IFT122: variants seen among roughly 807,000 people sequenced by gnomAD.
The protein encoded by IFT122 is intraflagellar transport protein 122 homolog.
A neutral mutation model predicts 161.6 loss-of-function variants in IFT122; 118 were observed. That is an observed-to-expected ratio of 0.73 (90% CI 0.63 to 0.85). IFT122 has a LOEUF of 0.85. IFT122 is among the 40% of genes least tolerant of loss of function. The probability of loss-of-function intolerance (pLI) is 0.00; values close to 1 mark genes in which losing one functional copy is unlikely to be tolerated. For synonymous variants in IFT122, 550 were observed against 602.4 expected, an observed-to-expected ratio of 0.91 and a Z score of 1.27; for missense variants, 1,381 against 1,579.6, an observed-to-expected ratio of 0.87 and a Z score of 2.13.
At chr3:129,455,364 G>A (rs564041015) in intron 3 of IFT122, among the ~76,000 whole-genome samples, 1 of 151,834 alleles carries the variant, frequency 6.6e-6, no homozygotes, top group African/African-American at 2.4e-5. Context: ...GTAGAGACAG[G>A]GTTTCACCAT....
rs1296869698 is a variant in IFT122 at position 129,444,547 on chromosome 3, G to T, written c.41+4176G>T. Among the ~76,000 whole-genome samples, 3 of 151,172 alleles carry T rather than the reference G, an allele frequency of 2.0e-5. No homozygotes were observed. In the South Asian group the frequency reaches 6.2e-4, roughly 31 times the overall value. On this transcript the variant is annotated intron_variant, in intron 1 of 29. Coordinates refer to ENST00000348417, the MANE Select transcript of IFT122 (RefSeq NM_052989.3). ...TACACTCTTTTTTTTTTTTGAGACAGAGTCTCGCTCTGTTGCCAGGCTGGA... is the reference window on the plus strand; with the variant it reads ...TACACTCTTTTTTTTTTTTGAGACATAGTCTCGCTCTGTTGCCAGGCTGGA...
At chr3:129,504,972 C>T (rs1457929844) in intron 21 of IFT122, among the ~76,000 whole-genome samples, 2 of 152,210 alleles carry the variant, frequency 1.3e-5, no homozygotes, top group African/African-American at 4.8e-5. Flanking sequence ...ACTTCTGCTC[C>T]TCAAGAATTC....
At chr3:129,506,306 A>G (rs767505501) in intron 21 of IFT122, 103 bp from the exon 22 acceptor site, 32 of 1,359,470 alleles carry the variant, frequency 2.4e-5, no homozygotes, top group Non-Finnish European at 3.1e-5. Context: ...TGAGTGTCCT[A>G]CTTCCAAAGC....
In IFT122 at chr3:129,517,276, A is replaced by G. The variant is rs918365063; in HGVS notation, c.3266-193A>G. Among the ~76,000 whole-genome samples, 1,831 of 133,688 alleles carry G rather than the reference A, an allele frequency of 0.014. 34 individuals are homozygous for G. Among genetic ancestry groups the G allele is most frequent in the African/African-American group, 0.049 (1,635 of 33,160 alleles). 87.7% of individuals were successfully genotyped at this position (133,688 alleles called of 152,430 possible). On this transcript the variant is annotated intron_variant, in intron 26 of 29. Transcript: ENST00000348417. The stretch of plus-strand genomic sequence containing the variant: ...ACACACACATTGCTCCTGCACACAC[A>G]CACACACACACACACACACACACAC...
intron 6 of IFT122, 90 bp from the exon 7 acceptor site, chr3:129,464,545 T>G (rs1020405617): frequency 1.3e-6 from 2 of 1,520,122 alleles, no homozygotes; most frequent in African/African-American, 2.7e-5. Context: ...CATCAGACTT[T>G]TATTTCAAAC....
chr3:129,483,552 G>T lies in IFT122; in HGVS notation c.1721G>T (p.Gly574Val). 1.2e-6 allele frequency: 2 copies of T among 1,614,022 alleles called. No homozygotes were observed. The highest frequency in any genetic ancestry group is 2.2e-5 in the South Asian group (2 of 91,056). ...CEDMLCFSGG[G>V]YLNIKASTFP... The stretch of plus-strand genomic sequence containing the variant: ...GACATGCTCTGCTTCTCGGGAGGAG[G>T]CTACCTCAACATCAAAGCCAGCACC... Residue 574 changes from glycine (G) to valine (V), a missense_variant, in exon 15 of 30, where the codon GGC becomes GTC. Transcript: ENST00000348417.
intron 20 of IFT122, 173 bp from the exon 21 acceptor site, chr3:129,504,146 A>G: frequency 1.6e-6 from 1 of 625,140 alleles, no homozygotes; most frequent in South Asian, 1.8e-5. Flanking sequence ...TTGTTTTCGA[A>G]GAGCTGATTT....
chr3:129,517,429 A>G (rs780336050), intron 26 of IFT122, 40 bp from the exon 27 acceptor site: 1 of 1,610,288 alleles, frequency 6.2e-7, no homozygotes. Flanking sequence ...GTCCTTTGCA[A>G]GGCCTCCAGC....
Position 129,519,555 on chromosome 3 carries a change from G to T in IFT122, c.3472-13G>T, listed in dbSNP as rs778605933. 2 of 1,612,488 alleles carry T rather than the reference G, an allele frequency of 1.2e-6. No individual in the cohort carries two copies. The highest frequency in any genetic ancestry group is 1.7e-5 in the Admixed American group (1 of 60,012). On this transcript the variant is annotated splice_polypyrimidine_tract_variant and intron_variant, in intron 28 of 29. Transcript: ENST00000348417. The stretch of plus-strand genomic sequence containing the variant: ...AGTGAGGACACTGTGCCTCCTTCCC[G>T]CCCACCCTGCAGCAAGGTGGCTCAG...
At chr3:129,444,062 G>A (rs2073634999) in intron 1 of IFT122, among the ~76,000 whole-genome samples, 1 of 152,176 alleles carries the variant, frequency 6.6e-6, no homozygotes, top group Non-Finnish European at 1.5e-5. Flanking sequence ...ATCCACCATA[G>A]CAATCCACAA....
intron 4 of IFT122, among the ~76,000 whole-genome samples, chr3:129,459,718 TTCCTTC>T (rs2076004732): frequency 2.3e-5 from 2 of 88,466 alleles, no homozygotes; most frequent in South Asian, 9.6e-4. Flanking sequence ...CCTTCCTTCC[TTCCTTC>T]CTTCCCTCCC....
intron 3 of IFT122, among the ~76,000 whole-genome samples, chr3:129,454,553 G>GTT (rs1469587580): frequency 6.6e-6 from 1 of 151,490 alleles, no homozygotes; most frequent in African/African-American, 2.4e-5. Context: ...GTGTGTGTGT[G>GTT]TGTGCATGTT....
At position 129,469,348 on chromosome 3, in the gene IFT122, AC is replaced by A. The variant is rs1469875570; in HGVS notation, c.748del (p.Arg250ValfsTer19). 1.2e-5 allele frequency: 19 copies of A among 1,613,722 alleles called. No individual in the cohort carries two copies. On this transcript the variant is annotated frameshift_variant, in exon 9 of 30. Transcript: ENST00000348417. LOFTEE classifies it high-confidence loss of function. ...TTTATCTTCTGTTGATTAGAGAGGA[AC>A]GTAATGACATCCTGGCTGTGGCTGA... The part of the protein sequence containing the change: ...DSPRDDNLEE[R>X]NDILAVADWG...
intron 16 of IFT122, among the ~76,000 whole-genome samples, chr3:129,491,295 T>C (rs1233982074): frequency 6.6e-6 from 1 of 152,226 alleles, no homozygotes; most frequent in African/African-American, 2.4e-5. Flanking sequence ...GCTCTGGAGC[T>C]GCTGCCTCCT....
chr3:129,486,469 A>G (rs2079298132), intron 15 of IFT122, among the ~76,000 whole-genome samples: 2 of 152,216 alleles, frequency 1.3e-5, no homozygotes, highest in South Asian at 4.1e-4. Context: ...AAACACAACT[A>G]AATTGCAACA....
At chr3:129,518,180 G>C (rs1002555245) in intron 27 of IFT122, among the ~76,000 whole-genome samples, 1 of 152,212 alleles carries the variant, frequency 6.6e-6, no homozygotes, top group African/African-American at 2.4e-5. Context: ...AGCAGTGCCA[G>C]CCCCACATCC....
At chr3:129,440,801 C>T (rs2072935396) in intron 1 of IFT122, among the ~76,000 whole-genome samples, 1 of 152,246 alleles carries the variant, frequency 6.6e-6, no homozygotes, top group South Asian at 2.1e-4. Context: ...AACTTTATTA[C>T]TCCATTTATG....
chr3:129,471,797 G>A (rs1270773793), intron 9 of IFT122, among the ~76,000 whole-genome samples: 1 of 152,126 alleles, frequency 6.6e-6, no homozygotes, highest in Non-Finnish European at 1.5e-5. Flanking sequence ...TTAGTCTGAG[G>A]TATAATTTGT....
intron 1 of IFT122, 71 bp from the exon 2 acceptor site, chr3:129,449,800 T>C: frequency 2.0e-6 from 2 of 1,017,904 alleles, no homozygotes; most frequent in Non-Finnish European, 3.1e-6. Flanking sequence ...CAATAAAGTT[T>C]ACTTTCCTGG....
Sources: gnomAD v4.1 joint callset for allele counts (sites outside exome capture counted in the v4.1 genomes callset) on GRCh38, gnomAD v4.1.1 for gene constraint, MANE v1.5 for transcripts, NCBI Gene and HGNC (gene_info 2026-07-23, HGNC 2026-07-21) for gene names.